Variants in FHIT observed in about 807,000 individuals in gnomAD.
The protein encoded by FHIT is bis(5'-adenosyl)-triphosphatase.
In FHIT, 19 loss-of-function variants were observed where a neutral mutation model predicts 17.9. The ratio of observed to expected loss-of-function variants is 1.06; its 90% CI spans 0.74 to 1.56. FHIT has a LOEUF of 1.56. Ranked by LOEUF, FHIT falls within the 40% of genes most tolerant of loss-of-function variation. FHIT has a pLI of 0.00. For missense variants in FHIT, 248 were observed against 189.2 expected, an observed-to-expected ratio of 1.31 and a Z score of -1.82; for synonymous variants, 81 against 69.7, an observed-to-expected ratio of 1.16 and a Z score of -0.81.
intron 7 of FHIT, among the ~76,000 whole-genome samples, chr3:59,975,379 A>C (rs368410204): frequency 6.6e-6 from 1 of 152,260 alleles, no homozygotes; most frequent in East Asian, 1.9e-4. Context: ...TAAAAAGGAC[A>C]CTACATAAAA....
At chr3:60,098,093 G>C (rs1024945202) in intron 5 of FHIT, among the ~76,000 whole-genome samples, 1 of 149,734 alleles carries the variant, frequency 6.7e-6, no homozygotes, top group Non-Finnish European at 1.5e-5. Context: ...TATGTGCCAC[G>C]TTTTCTTAAT....
chr3:60,352,181 C>G (rs6789978), intron 5 of FHIT, among the ~76,000 whole-genome samples: 1,552 of 152,138 alleles, frequency 0.01, 31 homozygotes, highest in African/African-American at 0.035. Context: ...TTACTAGAGG[C>G]TGCATAAGAG....
Position 60,411,753 on chromosome 3 carries a change from T to C in FHIT, c.103+125107A>G, listed in dbSNP as rs566693224. On this transcript the variant is annotated intron_variant, in intron 5 of 9. Transcript: ENST00000492590. ...AAATGCTTTCAACAAACCTCACATG[T>C]TGTATAATCTTGGACAAAATACAAA... Among the ~76,000 whole-genome samples, 9 of 152,238 alleles carry C rather than the reference T, an allele frequency of 5.9e-5. No homozygotes were observed. In the South Asian group the frequency reaches 1.7e-3, roughly 28 times the overall value.
At chr3:60,682,475 A>C (rs2107865168) in intron 4 of FHIT, among the ~76,000 whole-genome samples, 1 of 152,364 alleles carries the variant, frequency 6.6e-6, no homozygotes, top group South Asian at 2.1e-4. Context: ...AAGGCCCTTA[A>C]GAATGATACT....
intron 5 of FHIT, among the ~76,000 whole-genome samples, chr3:60,092,358 T>G (rs1225189870): frequency 2.0e-5 from 3 of 152,206 alleles, no homozygotes; most frequent in East Asian, 3.9e-4. Flanking sequence ...CATCTGGTTC[T>G]CAACCTAAGA....
Position 59,795,503 on chromosome 3 carries a change from G to T in FHIT, c.349-43182C>A, listed in dbSNP as rs574331338. 2.0e-5 allele frequency among the ~76,000 whole-genome samples: 3 copies of T among 152,080 alleles called. No homozygotes were observed. In the South Asian group the frequency reaches 6.2e-4, roughly 32 times the overall value. On this transcript the variant is annotated intron_variant, in intron 8 of 9. Coordinates refer to ENST00000492590, the MANE Select transcript of FHIT (RefSeq NM_002012.4). ...GAGAAGAGTGAGGGTAAGTTTAATT[G>T]TGTGATAAGGATTTAGGTAAGACAG...
chr3:59,903,448 A>C (rs1223912576), intron 8 of FHIT, among the ~76,000 whole-genome samples: 1 of 152,232 alleles, frequency 6.6e-6, no homozygotes, highest in Non-Finnish European at 1.5e-5. Flanking sequence ...ATTGTATCTA[A>C]ATAAAGCTGT....
chr3:61,098,635 A>G (rs2035718600), intron 2 of FHIT, among the ~76,000 whole-genome samples: 1 of 152,106 alleles, frequency 6.6e-6, no homozygotes, highest in Admixed American at 6.6e-5. Flanking sequence ...TTTGAGCAGA[A>G]TTTTGTAGTT....
At chr3:60,946,231 C>A (rs906454472) in intron 3 of FHIT, among the ~76,000 whole-genome samples, 1 of 152,282 alleles carries the variant, frequency 6.6e-6, no homozygotes, top group South Asian at 2.1e-4. Flanking sequence ...GAGGCAGCAG[C>A]CCTGAAAAGA....
intron 5 of FHIT, among the ~76,000 whole-genome samples, chr3:60,460,522 A>AT (rs1164854473): frequency 2.0e-5 from 3 of 152,190 alleles, no homozygotes; most frequent in Non-Finnish European, 2.9e-5. Flanking sequence ...AACTAAACGA[A>AT]TTTTTTAGTT....
chr3:59,762,708 C>A (rs753733604), intron 8 of FHIT, among the ~76,000 whole-genome samples: 4 of 152,156 alleles, frequency 2.6e-5, no homozygotes, highest in Non-Finnish European at 5.9e-5. Flanking sequence ...CCTCTAAGCC[C>A]GGAGGGCCCT....
chr3:59,937,426 C>A (rs1168241079), intron 7 of FHIT, among the ~76,000 whole-genome samples: 7 of 152,126 alleles, frequency 4.6e-5, no homozygotes, highest in African/African-American at 9.7e-5. Flanking sequence ...GACATGTCAG[C>A]GTGCTTTATT....
chr3:60,460,951 G>C (rs879848827), intron 5 of FHIT, among the ~76,000 whole-genome samples: 10 of 152,054 alleles, frequency 6.6e-5, no homozygotes, highest in African/African-American at 2.2e-4. Context: ...CCAAACTTAG[G>C]AATCTATTTA....
intron 3 of FHIT, among the ~76,000 whole-genome samples, chr3:60,936,900 G>T (rs899862639): frequency 2.6e-5 from 4 of 152,266 alleles, no homozygotes; most frequent in African/African-American, 9.6e-5. Context: ...CTACTTTATG[G>T]TTCTTGATAC....
At chr3:60,859,626 G>T (rs538554392) in intron 3 of FHIT, among the ~76,000 whole-genome samples, 11 of 146,814 alleles carry the variant, frequency 7.5e-5, no homozygotes, top group African/African-American at 2.8e-4. Context: ...ACTTGTTAAA[G>T]AATTTAGAGC....
intron 3 of FHIT, among the ~76,000 whole-genome samples, chr3:61,016,702 G>C (rs1256883823): frequency 6.6e-6 from 1 of 152,186 alleles, no homozygotes; most frequent in African/African-American, 2.4e-5. Flanking sequence ...AACAAGTCCT[G>C]GATTTTCATA....
chr3:60,101,590 A>G lies in FHIT; in HGVS notation c.104-87438T>C, dbSNP rs9850880. On this transcript the variant is annotated intron_variant, in intron 5 of 9. Transcript: ENST00000492590. ...TACACAAACTGCAATGATTGTCTTT[A>G]CGTATTGACTTACTTATCTTCAATT... Among the ~76,000 whole-genome samples, 815 of 152,248 alleles carry G rather than the reference A, an allele frequency of 5.4e-3. 6 individuals are homozygous for G. Among genetic ancestry groups the G allele is most frequent in the African/African-American group, 0.018 (756 of 41,546 alleles).
chr3:61,138,548 G>A (rs940258723), intron 2 of FHIT, among the ~76,000 whole-genome samples: 1 of 152,178 alleles, frequency 6.6e-6, no homozygotes, highest in Non-Finnish European at 1.5e-5. Context: ...TCCACACACT[G>A]GCACTTAATA....
chr3:60,809,626 G>C (rs1364335246), intron 4 of FHIT, among the ~76,000 whole-genome samples: 1 of 152,094 alleles, frequency 6.6e-6, no homozygotes, highest in Non-Finnish European at 1.5e-5. Context: ...GAATCACCCA[G>C]AGCTCTTATT....
Sources: gnomAD v4.1 joint callset for allele counts (sites outside exome capture counted in the v4.1 genomes callset) on GRCh38, gnomAD v4.1.1 for gene constraint, MANE v1.5 for transcripts, NCBI Gene and HGNC (gene_info 2026-07-23, HGNC 2026-07-21) for gene names.